MAGI1: variants seen among roughly 807,000 people sequenced by gnomAD.
The protein encoded by MAGI1 is membrane-associated guanylate kinase, WW and PDZ domain-containing protein 1.
A neutral mutation model predicts 139.9 loss-of-function variants in MAGI1; 58 were observed. The ratio of observed to expected loss-of-function variants is 0.41; its 90% CI spans 0.34 to 0.52. The LOEUF (loss-of-function observed/expected upper bound fraction) is 0.52. Ranked by LOEUF, MAGI1 falls within the 20% of genes least tolerant of loss-of-function variation. The probability of loss-of-function intolerance (pLI) is 0.12; values close to 1 mark genes in which losing one functional copy is unlikely to be tolerated. For synonymous variants in MAGI1, 812 were observed against 737.9 expected (o/e 1.10, Z -1.63); for missense variants, 1,874 against 1,901.6 (o/e 0.99, Z 0.27).
At chr3:65,753,208 G>C (rs981721259) in intron 1 of MAGI1, among the ~76,000 whole-genome samples, 3 of 152,004 alleles carry the variant, frequency 2.0e-5, no homozygotes, top group African/African-American at 7.3e-5. Flanking sequence ...AGAACCACAG[G>C]GATGCATTGC....
intron 1 of MAGI1, among the ~76,000 whole-genome samples, chr3:65,776,312 G>GT (rs1205138586): frequency 1.7e-5 from 2 of 119,644 alleles, no homozygotes; most frequent in East Asian, 2.4e-4. Context: ...ACTCTCAATT[G>GT]TTTTTTTAAA....
intron 1 of MAGI1, among the ~76,000 whole-genome samples, chr3:65,727,035 A>G (rs2033698199): frequency 6.6e-6 from 1 of 152,116 alleles, no homozygotes; most frequent in Non-Finnish European, 1.5e-5. Context: ...TCAACCTGTA[A>G]TTCCACACAA....
chr3:65,375,681 G>T, intron 18 of MAGI1, 64 bp downstream of exon 18: 2 of 1,329,822 alleles, frequency 1.5e-6, no homozygotes, highest in South Asian at 2.5e-5. Flanking sequence ...AAGAGAAAAG[G>T]AAAAGACAGA....
intron 2 of MAGI1, among the ~76,000 whole-genome samples, chr3:65,567,581 A>C (rs937395731): frequency 2.0e-5 from 3 of 152,230 alleles, no homozygotes; most frequent in African/African-American, 7.2e-5. Context: ...TCACACCAGT[A>C]ATCTCAGCAT....
chr3:65,809,931 T>C (rs1055851112), intron 1 of MAGI1, among the ~76,000 whole-genome samples: 5 of 151,744 alleles, frequency 3.3e-5, no homozygotes, highest in African/African-American at 1.2e-4. Flanking sequence ...CCACCCCAAC[T>C]CTTCTCCCAC....
intron 2 of MAGI1, among the ~76,000 whole-genome samples, chr3:65,556,330 C>G (rs79459438): frequency 1.3e-5 from 2 of 152,164 alleles, no homozygotes; most frequent in Non-Finnish European, 2.9e-5. Flanking sequence ...ATGCTTTTGT[C>G]GCTTAGACTA....
chr3:65,524,181 C>G (rs1009241590), intron 2 of MAGI1, among the ~76,000 whole-genome samples: 1 of 152,198 alleles, frequency 6.6e-6, no homozygotes, highest in African/African-American at 2.4e-5. Flanking sequence ...GAACATTTTA[C>G]TATGTACTCT....
intron 14 of MAGI1, chr3:65,387,348 G>T: frequency 1.1e-5 from 7 of 621,574 alleles, no homozygotes; most frequent in East Asian, 3.0e-5. Context: ...GGTCATGGCT[G>T]TTATGTTAAA....
At chr3:65,931,891 G>A (rs1042226078) in intron 1 of MAGI1, among the ~76,000 whole-genome samples, 17 of 151,944 alleles carry the variant, frequency 1.1e-4, no homozygotes, top group African/African-American at 3.1e-4. Flanking sequence ...AAGTGTATAC[G>A]CCAACTCATA....
intron 1 of MAGI1, among the ~76,000 whole-genome samples, chr3:65,706,003 T>C (rs1014430870): frequency 2.0e-5 from 3 of 152,248 alleles, no homozygotes; most frequent in African/African-American, 7.2e-5. Context: ...CAAATCCTTC[T>C]GTAAAGTACA....
intron 1 of MAGI1, among the ~76,000 whole-genome samples, chr3:65,794,693 G>A (rs1336345490): frequency 1.3e-5 from 2 of 151,982 alleles, no homozygotes; most frequent in South Asian, 2.1e-4. Context: ...CCTCCACCCT[G>A]CTGTCCTCAC....
At chr3:65,680,795 T>TATGATATGATATGATATG (rs58365928) in intron 1 of MAGI1, among the ~76,000 whole-genome samples, 8,750 of 151,230 alleles carry the variant, frequency 0.058, 877 homozygotes, top group African/African-American at 0.2. Context: ...TATGATATGA[T>TATGATATGATATGATATG]ATACTTTAAT....
intron 2 of MAGI1, among the ~76,000 whole-genome samples, chr3:65,551,572 T>A (rs1212875221): frequency 6.6e-6 from 1 of 152,196 alleles, no homozygotes; most frequent in Non-Finnish European, 1.5e-5. Context: ...AGTGCTGGGA[T>A]TACAGGCGTG....
chr3:65,812,468 T>TCTCTCTCACACACACA (rs1176899313), intron 1 of MAGI1, among the ~76,000 whole-genome samples: 61 of 89,160 alleles, frequency 6.8e-4, no homozygotes, highest in African/African-American at 1.8e-3. Flanking sequence ...TCTCTCTCTC[T>TCTCTCTCACACACACA]CACACACACA....
At chr3:65,488,382 G>T (rs1020811922) in intron 3 of MAGI1, among the ~76,000 whole-genome samples, 3 of 151,946 alleles carry the variant, frequency 2.0e-5, no homozygotes, top group Non-Finnish European at 2.9e-5. Context: ...TGTCACCCAG[G>T]CTGGAGTGCA....
chr3:65,719,717 T>C (rs2032772214), intron 1 of MAGI1, among the ~76,000 whole-genome samples: 1 of 152,076 alleles, frequency 6.6e-6, no homozygotes, highest in African/African-American at 2.4e-5. Flanking sequence ...GGCTAATTTT[T>C]GTATTTTTTT....
chr3:65,588,316 C>A (rs1329123520), intron 2 of MAGI1, among the ~76,000 whole-genome samples: 1 of 152,132 alleles, frequency 6.6e-6, no homozygotes, highest in African/African-American at 2.4e-5. Context: ...GCATTCCTCC[C>A]TAAATTTGAC....
chr3:65,648,314 TGTGCGC>T (rs887702314), intron 1 of MAGI1, among the ~76,000 whole-genome samples: 4 of 150,214 alleles, frequency 2.7e-5, no homozygotes, highest in Non-Finnish European at 5.9e-5. Flanking sequence ...TGTGTGTGTG[TGTGCGC>T]GTGCGCGTGC....
chr3:65,416,415 A>G (rs569150942), intron 12 of MAGI1, among the ~76,000 whole-genome samples: 1 of 152,302 alleles, frequency 6.6e-6, no homozygotes, highest in South Asian at 2.1e-4. Flanking sequence ...AAAGATCACA[A>G]AAAGGGTCTA....
Sources: gnomAD v4.1 joint callset for allele counts (sites outside exome capture counted in the v4.1 genomes callset) on GRCh38, gnomAD v4.1.1 for gene constraint, MANE v1.5 for transcripts, NCBI Gene and HGNC (gene_info 2026-07-23, HGNC 2026-07-21) for gene names.